The following HMCN1 variants were observed in gnomAD, a reference collection of about 807,000 sequenced individuals.
HMCN1 encodes the protein hemicentin-1.
In HMCN1, 321 loss-of-function variants were observed where a neutral mutation model predicts 625.9. The observed-to-expected ratio is 0.51, with a 90% CI of 0.47 to 0.56. The LOEUF is 0.56. HMCN1 is among the 20% of genes least tolerant of loss of function. The pLI is 0.00. For missense variants in HMCN1, 6,588 were observed against 6,887.3 expected (o/e 0.96, Z 1.54); for synonymous variants, 2,425 against 2,417.6 (o/e 1.00, Z -0.09).
chr1:186,077,164 C>T (rs1289435367), intron 54 of HMCN1, among the ~76,000 whole-genome samples: 2 of 152,050 alleles, frequency 1.3e-5, no homozygotes, highest in Non-Finnish European at 2.9e-5. Context: ...TCAGATTGTA[C>T]ACTTAAGGTC....
chr1:185,988,112 T>C (rs946342588), intron 20 of HMCN1, among the ~76,000 whole-genome samples: 3 of 152,350 alleles, frequency 2.0e-5, no homozygotes, highest in South Asian at 2.1e-4. Context: ...AAAGGCCTTT[T>C]AAGGTTCCTT....
At position 185,847,878 on chromosome 1, in the gene HMCN1, A is replaced by G. The variant is rs558770298; in HGVS notation, c.339+1782A>G. On this transcript the variant is annotated intron_variant, in intron 2 of 106. Coordinates refer to ENST00000271588, the MANE Select transcript of HMCN1 (RefSeq NM_031935.3). The stretch of plus-strand genomic sequence containing the variant: ...TGAGGGTGGAGGATCACTTGAGCCC[A>G]GGAGTTCGAGGCTACAATGAGCTAT... Among the ~76,000 whole-genome samples the G allele has an allele frequency of 3.3e-5, 5 of 152,176 alleles. No individual in the cohort carries two copies. The South Asian group carries it at 6.2e-4, about 19-fold the overall frequency.
intron 1 of HMCN1, 21 bp from the exon 2 acceptor site, chr1:185,846,005 A>G (rs780928104): frequency 6.6e-7 from 1 of 1,513,440 alleles, no homozygotes; most frequent in Non-Finnish European, 9.2e-7. Flanking sequence ...TTATTGACCT[A>G]TGTTATTTTT....
Position 185,952,045 on chromosome 1 carries a change from C to T in HMCN1, c.1829-10473C>T, listed in dbSNP as rs202061345. ...GACGGCCTTTAGACCTTTTAGGGTCCAGGGCTGTAAAGCGTTTCAGGGTTG... is the reference window on the plus strand; with the variant it reads ...GACGGCCTTTAGACCTTTTAGGGTCTAGGGCTGTAAAGCGTTTCAGGGTTG... On this transcript the variant is annotated intron_variant, in intron 11 of 106. Transcript: ENST00000271588. 1.3e-3 allele frequency among the ~76,000 whole-genome samples: 203 copies of T among 151,566 alleles called. 2 individuals carry two copies. In the East Asian group the frequency reaches 0.034, roughly 26 times the overall value.
intron 2 of HMCN1, among the ~76,000 whole-genome samples, chr1:185,850,889 G>A (rs560436105): frequency 2.6e-5 from 4 of 151,942 alleles, no homozygotes; most frequent in African/African-American, 7.2e-5. Context: ...TCAACATTAA[G>A]CATTGTTACA....
chr1:186,063,872 C>G (rs533566573), intron 48 of HMCN1, among the ~76,000 whole-genome samples: 1 of 152,120 alleles, frequency 6.6e-6, no homozygotes, highest in Non-Finnish European at 1.5e-5. Flanking sequence ...ATAAACACAT[C>G]TCTAAGAGGA....
chr1:185,926,741 C>G (rs952496694), intron 9 of HMCN1, among the ~76,000 whole-genome samples: 3 of 152,142 alleles, frequency 2.0e-5, no homozygotes, highest in Admixed American at 2.0e-4. Flanking sequence ...ATGTCCCTGC[C>G]CTAGATTTCC....
At chr1:186,039,100 A>G in intron 38 of HMCN1, 95 bp downstream of exon 38, 1 of 867,146 alleles carries the variant, frequency 1.2e-6, no homozygotes, top group South Asian at 1.3e-5. Context: ...ATTTAACAGA[A>G]TGTGTTATTG....
rs1359040413 is a variant in HMCN1, at chr1:186,068,146, G to A, written c.7879+139G>A. ...GTTCTGTGCAGCCTGGTTCCTAATA[G>A]GCCACAGGCTGGTCCCAGTCCATGG... On this transcript the variant is annotated intron_variant, in intron 50 of 106. Transcript: ENST00000271588. 1.5e-5 allele frequency: 12 copies of A among 823,492 alleles called. No individual in the cohort carries two copies. The East Asian group carries it at 3.1e-4, about 21-fold the overall frequency. The allele number at this position is 823,492 out of a possible 1,614,324, so 51.0% of individuals were successfully genotyped here.
At chr1:185,925,552 C>T (rs1018119118) in intron 9 of HMCN1, among the ~76,000 whole-genome samples, 3 of 152,086 alleles carry the variant, frequency 2.0e-5, no homozygotes, top group Non-Finnish European at 4.4e-5. Flanking sequence ...AATGAGAGGT[C>T]CTGAAGCTTT....
intron 83 of HMCN1, among the ~76,000 whole-genome samples, chr1:186,129,329 T>G (rs1413930705): frequency 6.6e-6 from 1 of 151,138 alleles, no homozygotes; most frequent in Non-Finnish European, 1.5e-5. Context: ...TATATTTTCT[T>G]CTAAATGTTA....
At position 186,095,462 on chromosome 1, in the gene HMCN1, C is replaced by T; in HGVS notation, c.10514C>T (p.Thr3505Ile). ...GAGACTGAAGATTCGGGAAAGTACA[C>T]CTGCATTGCCTCAAATGAAGCTGGA... is the stretch of plus-strand genomic sequence containing the variant. ...KAETEDSGKY[T>I]CIASNEAGEV... Residue 3505 changes from threonine (T) to isoleucine (I), a missense_variant, in exon 68 of 107, where the codon ACC becomes ATC. By Grantham distance (89) the Thr-to-Ile change is moderately conservative (BLOSUM62 -1). Coordinates refer to ENST00000271588, the MANE Select transcript of HMCN1 (RefSeq NM_031935.3). 1.2e-6 allele frequency: 2 copies of T among 1,613,668 alleles called. No individual in the cohort carries two copies. The highest frequency in any genetic ancestry group is 1.7e-6 in the Non-Finnish European group (2 of 1,179,766).
chr1:186,088,005 A>T lies in HMCN1; in HGVS notation c.9437A>T (p.Asn3146Ile). Residue 3146 changes from asparagine (N) to isoleucine (I), a missense_variant, in exon 61 of 107, where the codon AAT (asparagine) becomes ATT (isoleucine). Transcript: ENST00000271588. ...AGRDDKNFHL[N>I]VYVPPSIEGP... The stretch of plus-strand genomic sequence containing the variant: ...CGGGATGATAAAAATTTCCACCTCA[A>T]TGTATATGGTGAGCATTTGCCTCTA... 1 of 1,612,960 alleles carries T rather than the reference A, an allele frequency of 6.2e-7. No homozygotes were observed. Among genetic ancestry groups the T allele is most frequent in the East Asian group, 2.2e-5 (1 of 44,824 alleles).
At chr1:185,925,246 A>G in intron 9 of HMCN1, 55 bp downstream of exon 9, 2 of 1,490,724 alleles carry the variant, frequency 1.3e-6, no homozygotes, top group Non-Finnish European at 1.9e-6. Context: ...GTAAATATAA[A>G]TAGACTATTA....
chr1:185,890,084 T>C (rs1218488064), intron 4 of HMCN1, among the ~76,000 whole-genome samples: 1 of 151,938 alleles, frequency 6.6e-6, no homozygotes, highest in Non-Finnish European at 1.5e-5. Context: ...CTAGATTTTC[T>C]AGTTTATTAG....
chr1:186,057,101 T>C, intron 45 of HMCN1, 133 bp from the exon 46 acceptor site: 1 of 742,876 alleles, frequency 1.3e-6, no homozygotes, highest in Non-Finnish European at 2.3e-6. Context: ...TTGCTTACTA[T>C]TAATCAGAAA....
At chr1:186,167,749 T>C (rs536131065) in intron 100 of HMCN1, among the ~76,000 whole-genome samples, 24 of 152,318 alleles carry the variant, frequency 1.6e-4, no homozygotes, top group Admixed American at 3.9e-4. Context: ...TGTGCAGACT[T>C]TTTAGATTGC....
intron 103 of HMCN1, among the ~76,000 whole-genome samples, chr1:186,177,522 T>C (rs1652674205): frequency 6.6e-6 from 1 of 152,130 alleles, no homozygotes; most frequent in African/African-American, 2.4e-5. Context: ...TGAAAGGTCT[T>C]GGGCAGACAA....
intron 1 of HMCN1, among the ~76,000 whole-genome samples, chr1:185,826,151 A>G (rs990429838): frequency 1.2e-4 from 18 of 152,260 alleles, no homozygotes; most frequent in Admixed American, 7.9e-4. Flanking sequence ...GTAGATGGTT[A>G]TTATTGTTTC....
Sources: gnomAD v4.1 joint callset for allele counts (sites outside exome capture counted in the v4.1 genomes callset) on GRCh38, gnomAD v4.1.1 for gene constraint, MANE v1.5 for transcripts, NCBI Gene and HGNC (gene_info 2026-07-23, HGNC 2026-07-21) for gene names.